PDE10A: variants seen among roughly 807,000 people sequenced by gnomAD.
PDE10A encodes cAMP and cAMP-inhibited cGMP 3',5'-cyclic phosphodiesterase 10A.
Under a neutral mutation model 97.7 loss-of-function variants are expected in PDE10A, and 39 were observed. That is an observed-to-expected ratio of 0.40 (90% CI 0.31 to 0.52). PDE10A has a LOEUF of 0.52. Ranked by LOEUF, PDE10A falls within the 20% of genes least tolerant of loss-of-function variation. PDE10A has a pLI of 0.56. For missense variants in PDE10A, 731 were observed against 1,047.8 expected, an observed-to-expected ratio of 0.70 and a Z score of 4.17; for synonymous variants, 371 against 376.8, an observed-to-expected ratio of 0.98 and a Z score of 0.18.
At chr6:165,849,853 T>C (rs1432254916) in intron 1 of PDE10A, among the ~76,000 whole-genome samples, 2 of 152,212 alleles carry the variant, frequency 1.3e-5, no homozygotes, top group African/African-American at 4.8e-5. Context: ...AACTTGCACT[T>C]CAAAAGTTGC....
intron 1 of PDE10A, among the ~76,000 whole-genome samples, chr6:165,857,043 G>A (rs1405957969): frequency 6.6e-6 from 1 of 152,112 alleles, no homozygotes; most frequent in Non-Finnish European, 1.5e-5. Context: ...CCCAAGATAC[G>A]CAGACCTGTT....
chr6:165,713,196 C>T (rs1263991166), intron 1 of PDE10A, among the ~76,000 whole-genome samples: 1 of 152,182 alleles, frequency 6.6e-6, no homozygotes, highest in African/African-American at 2.4e-5. Context: ...ATCACGAGTG[C>T]CCGTGGGGTT....
intron 1 of PDE10A, among the ~76,000 whole-genome samples, chr6:165,967,897 A>G (rs545215250): frequency 6.6e-6 from 1 of 152,324 alleles, no homozygotes; most frequent in South Asian, 2.1e-4. Flanking sequence ...GGGTTTCACA[A>G]TAGCACTCCC....
intron 1 of PDE10A, among the ~76,000 whole-genome samples, chr6:165,863,285 C>T (rs952979712): frequency 6.6e-6 from 1 of 152,178 alleles, no homozygotes; most frequent in Non-Finnish European, 1.5e-5. Context: ...TTCTGAAACT[C>T]ATACTGAGTT....
At chr6:165,430,202 G>A in intron 9 of PDE10A, 85 bp downstream of exon 9, 1 of 887,754 alleles carries the variant, frequency 1.1e-6, no homozygotes, top group Non-Finnish European at 1.8e-6. Flanking sequence ...AGCTGCAATA[G>A]ACAATGGTCT....
intron 1 of PDE10A, among the ~76,000 whole-genome samples, chr6:165,921,277 T>C (rs959087801): frequency 6.6e-6 from 1 of 152,244 alleles, no homozygotes; most frequent in Non-Finnish European, 1.5e-5. Context: ...GCATCTTAGA[T>C]AGCCAGTTTG....
chr6:165,868,850 C>T (rs777602413), intron 1 of PDE10A, among the ~76,000 whole-genome samples: 4 of 132,680 alleles, frequency 3.0e-5, no homozygotes, highest in African/African-American at 1.2e-4. Flanking sequence ...CCCAGGGATG[C>T]GAGGATGGTT....
At chr6:165,787,551 G>T (rs1002806913) in intron 1 of PDE10A, among the ~76,000 whole-genome samples, 1 of 152,198 alleles carries the variant, frequency 6.6e-6, no homozygotes, top group African/African-American at 2.4e-5. Context: ...TAAGAGACAA[G>T]CATAGCTGTC....
chr6:165,570,141 C>G (rs1406774792), intron 1 of PDE10A, among the ~76,000 whole-genome samples: 2 of 152,092 alleles, frequency 1.3e-5, no homozygotes, highest in Non-Finnish European at 2.9e-5. Flanking sequence ...AGGGTGAGAC[C>G]TTAATCCAAT....
At chr6:165,627,137 C>T (rs543849308) in intron 1 of PDE10A, among the ~76,000 whole-genome samples, 5 of 152,248 alleles carry the variant, frequency 3.3e-5, no homozygotes, top group African/African-American at 4.8e-5. Context: ...GTTTTAATTG[C>T]GGCTTTATTT....
chr6:165,345,430 A>G (rs1365488948), intron 18 of PDE10A, among the ~76,000 whole-genome samples: 1 of 152,192 alleles, frequency 6.6e-6, no homozygotes, highest in Non-Finnish European at 1.5e-5. Flanking sequence ...TCATTTTTTT[A>G]CTCCCAATTC....
intron 1 of PDE10A, among the ~76,000 whole-genome samples, chr6:165,747,474 A>G (rs1414905061): frequency 2.6e-5 from 4 of 152,180 alleles, no homozygotes. Context: ...TCCCCATTTT[A>G]TAGATGAAGA....
At chr6:165,746,866 T>A (rs1217108194) in intron 1 of PDE10A, among the ~76,000 whole-genome samples, 8 of 152,242 alleles carry the variant, frequency 5.3e-5, no homozygotes, top group Non-Finnish European at 1.2e-4. Flanking sequence ...GTTTTTGACA[T>A]ACCTGTAACA....
rs1790805143 is a variant in PDE10A at position 165,445,773 on chromosome 6, C to T, written c.1194+3155G>A. Among the ~76,000 whole-genome samples, 3 of 151,952 alleles carry T rather than the reference C, an allele frequency of 2.0e-5. No homozygotes were observed. In the South Asian group the frequency reaches 6.2e-4, roughly 31 times the overall value. On this transcript the variant is annotated intron_variant, in intron 5 of 21. Coordinates refer to ENST00000539869, the MANE Select transcript of PDE10A (RefSeq NM_001385079.1). ...TAAAATGGTTTTGGATTGGTAGTAC[C>T]TTAAGTGACTAGCAGAAACAAATGC... is the stretch of plus-strand genomic sequence containing the variant.
chr6:165,888,589 T>C (rs1781694835), intron 1 of PDE10A, among the ~76,000 whole-genome samples: 1 of 152,216 alleles, frequency 6.6e-6, no homozygotes, highest in East Asian at 1.9e-4. Flanking sequence ...TGGCCTGCTT[T>C]TTTTCAGTTG....
At chr6:165,434,571 C>T (rs940862678) in intron 6 of PDE10A, among the ~76,000 whole-genome samples, 2 of 152,178 alleles carry the variant, frequency 1.3e-5, no homozygotes, top group East Asian at 1.9e-4. Context: ...GGCCTGTCTA[C>T]GTGATTTGCT....
At chr6:165,338,069 C>A (rs571521257) in intron 20 of PDE10A, among the ~76,000 whole-genome samples, 1 of 152,036 alleles carries the variant, frequency 6.6e-6, no homozygotes, top group African/African-American at 2.4e-5. Flanking sequence ...TGGTAAAATG[C>A]GACAAAAACT....
intron 1 of PDE10A, among the ~76,000 whole-genome samples, chr6:165,629,571 G>A (rs907843881): frequency 6.8e-6 from 1 of 146,536 alleles, no homozygotes; most frequent in African/African-American, 2.6e-5. Context: ...TGTCACCCAG[G>A]CTGGAGTGCA....
intron 1 of PDE10A, among the ~76,000 whole-genome samples, chr6:165,720,599 C>T (rs1265051657): frequency 6.6e-6 from 1 of 152,212 alleles, no homozygotes; most frequent in African/African-American, 2.4e-5. Flanking sequence ...TTTTGAACTT[C>T]TGGTTTGGAT....
Sources: allele counts gnomAD v4.1 joint callset (sites outside exome capture counted in the v4.1 genomes callset), GRCh38; gene constraint gnomAD v4.1.1; transcripts MANE v1.5; gene names NCBI Gene and HGNC (gene_info 2026-07-23, HGNC 2026-07-21).